GRK1: variants seen among roughly 807,000 people sequenced by gnomAD.
GRK1 encodes G protein-coupled receptor kinase 1.
Under a neutral mutation model 41.7 loss-of-function variants are expected in GRK1, and 28 were observed. The ratio of observed to expected loss-of-function variants is 0.67; its 90% CI spans 0.50 to 0.92. The LOEUF is 0.92. GRK1 is among the 40% of genes least tolerant of loss of function. The probability of loss-of-function intolerance (pLI) is 0.00; values close to 1 mark genes in which losing one functional copy is unlikely to be tolerated. For synonymous variants in GRK1, 327 were observed against 286.7 expected (o/e 1.14, Z -1.42); for missense variants, 703 against 671.2 (o/e 1.05, Z -0.52).
the GRK1 span, among the ~76,000 whole-genome samples, chr13:113,658,556 T>C: frequency 6.6e-6 from 1 of 152,204 alleles, no homozygotes; most frequent in Non-Finnish European, 1.5e-5. Flanking sequence ...GACCTTGGGC[T>C]GAGCCAGCTG....
chr13:113,658,641 G>A, the GRK1 span, among the ~76,000 whole-genome samples: 6 of 152,306 alleles, frequency 3.9e-5, no homozygotes, highest in East Asian at 7.7e-4. Flanking sequence ...CCCCCGCTGC[G>A]GCCGCCCCGA....
At chr13:113,662,093 T>C in the GRK1 span, among the ~76,000 whole-genome samples, 2 of 152,200 alleles carry the variant, frequency 1.3e-5, no homozygotes, top group African/African-American at 4.8e-5. Flanking sequence ...GTAAGTTGAA[T>C]CCAACAAAGT....
chr13:113,728,881 G>A (rs1444172904), intron 4 of GRK1, among the ~76,000 whole-genome samples: 2 of 152,164 alleles, frequency 1.3e-5, no homozygotes, highest in Non-Finnish European at 2.9e-5. Context: ...AACCACAAAA[G>A]GTGGACAAGG....
the GRK1 span, among the ~76,000 whole-genome samples, chr13:113,651,477 T>C: frequency 5.1e-4 from 77 of 152,272 alleles, 2 homozygotes; most frequent in African/African-American, 1.8e-3. Flanking sequence ...AAAAGCCCCA[T>C]TGTTTCCCTT....
chr13:113,729,740 C>T (rs36179103), intron 4 of GRK1, among the ~76,000 whole-genome samples: 7,313 of 152,116 alleles, frequency 0.048, 546 homozygotes, highest in African/African-American at 0.16. Flanking sequence ...CACAGCTGTG[C>T]CCAGACCCGT....
upstream of GRK1, among the ~76,000 whole-genome samples, chr13:113,664,533 G>C (rs2049806393): frequency 6.6e-6 from 1 of 152,218 alleles, no homozygotes; most frequent in African/African-American, 2.4e-5. This position sits in a 1 kb window ranked among gnomAD's most constrained non-coding sequence, Gnocchi z 5.4. Context: ...CCCTGTGATG[G>C]ACACGTTTCA....
chr13:113,732,775 C>A, intron 5 of GRK1, 109 bp from the exon 6 acceptor site: 1 of 1,190,094 alleles, frequency 8.4e-7, no homozygotes, highest in Non-Finnish European at 1.2e-6. Flanking sequence ...CCTCATGGGT[C>A]CCCCACCCGC....
upstream of GRK1, among the ~76,000 whole-genome samples, chr13:113,663,905 G>T (rs144561627): frequency 6.6e-6 from 1 of 152,124 alleles, no homozygotes; most frequent in South Asian, 2.1e-4. Flanking sequence ...AAAACTAAAC[G>T]TGCAATTACG....
intron 1 of GRK1, among the ~76,000 whole-genome samples, chr13:113,668,423 C>T (rs61969018): frequency 1.8e-3 from 275 of 152,318 alleles, no homozygotes; most frequent in Non-Finnish European, 2.6e-3. Flanking sequence ...GCAGGGTCTC[C>T]GGATTCTTTG....
chr13:113,737,361 ATGT>A lies in GRK1; in HGVS notation c.*1999_*2001del, dbSNP rs1362236411. 31 of 127,886 alleles carry A rather than the reference ATGT, an allele frequency of 2.4e-4. 3 individuals are homozygous for A. Among genetic ancestry groups the A allele is most frequent in the Admixed American group, 3.8e-4 (5 of 13,154 alleles). The allele number at this position is 127,886 out of a possible 1,614,324, so 7.9% of individuals were successfully genotyped here. A position where few individuals can be genotyped will look rare whatever the true frequency, so the allele number is the denominator to read the frequency against. ...ATCGGCCACACCCTGGGTGAGGAGCATGTCTTCCCATAGATCCCACGTCGGCCA... is the reference window on the plus strand; with the variant it reads ...ATCGGCCACACCCTGGGTGAGGAGCACTTCCCATAGATCCCACGTCGGCCA... On this transcript the variant is annotated 3_prime_UTR_variant, in exon 7 of 7. Transcript: ENST00000335678.
the GRK1 span, chr13:113,658,208 T>A: frequency 6.9e-7 from 1 of 1,454,224 alleles, no homozygotes; most frequent in South Asian, 1.2e-5. Context: ...TGAGGCCAGA[T>A]GCCCACCTCT....
chr13:113,724,006 C>T (rs2049874372), intron 4 of GRK1, among the ~76,000 whole-genome samples: 1 of 152,188 alleles, frequency 6.6e-6, no homozygotes, highest in African/African-American at 2.4e-5. Context: ...ACACGTGTGT[C>T]CGTGTGCCTG....
chr13:113,724,247 G>A (rs971702914), intron 4 of GRK1, among the ~76,000 whole-genome samples: 2 of 152,222 alleles, frequency 1.3e-5, no homozygotes, highest in African/African-American at 4.8e-5. Context: ...CAGGCTTGCT[G>A]AGGAGACCTC....
At chr13:113,733,793 GTA>G (rs879373829) in intron 6 of GRK1, among the ~76,000 whole-genome samples, 8 of 137,088 alleles carry the variant, frequency 5.8e-5, no homozygotes, top group South Asian at 4.3e-4. Flanking sequence ...GTGCATGTGT[GTA>G]TGTGTATCTG....
the GRK1 span, chr13:113,657,910 C>G: frequency 7.4e-6 from 6 of 806,384 alleles, no homozygotes; most frequent in Non-Finnish European, 1.2e-5. Context: ...TCCACGCCAT[C>G]CAGGCAGCAT....
chr13:113,735,580 C>T lies in GRK1; in HGVS notation c.*217C>T, dbSNP rs1429994296. ...TGCTGGTGCCGTGAGCCCCCGACTG[C>T]ATATTTCACGTCTTTTGCTCCATCT... On this transcript the variant is annotated 3_prime_UTR_variant, in exon 7 of 7. Coordinates refer to ENST00000335678, the MANE Select transcript of GRK1 (RefSeq NM_002929.3). 2.1e-6 allele frequency: 1 copy of T among 487,404 alleles called. No homozygotes were observed. The highest frequency in any genetic ancestry group is 3.7e-5 in the Admixed American group (1 of 27,186). The allele number at this position is 487,404 out of a possible 1,614,324, so 30.2% of individuals were successfully genotyped here. A position where few individuals can be genotyped will look rare whatever the true frequency, so the allele number is the denominator to read the frequency against.
At chr13:113,733,264 G>A (rs571020805) in intron 6 of GRK1, among the ~76,000 whole-genome samples, 179 bp downstream of exon 6, 2 of 152,340 alleles carry the variant, frequency 1.3e-5, no homozygotes, top group South Asian at 2.1e-4. Flanking sequence ...CCCAGGACAA[G>A]CCGATGGAGC....
chr13:113,649,077 C>G, the GRK1 span: 1 of 250,858 alleles, frequency 4.0e-6, no homozygotes, highest in African/African-American at 2.3e-5. The surrounding 1 kb of genome is among the most constrained non-coding windows in gnomAD (Gnocchi z 4.7). Context: ...GAAGACGAAT[C>G]GTTTTTATGA....
At chr13:113,664,989 C>A (rs2049808527), upstream of GRK1, among the ~76,000 whole-genome samples, 1 of 152,220 alleles carries the variant, frequency 6.6e-6, no homozygotes, top group African/African-American at 2.4e-5. This position sits in a 1 kb window ranked among gnomAD's most constrained non-coding sequence, Gnocchi z 5.4. Context: ...TCGTGATCCA[C>A]CTGCCAAAGC....
Sources: allele counts gnomAD v4.1 joint callset (sites outside exome capture counted in the v4.1 genomes callset), GRCh38; gene constraint gnomAD v4.1.1; non-coding constraint Gnocchi (gnomAD v3.1); transcripts MANE v1.5; gene names NCBI Gene and HGNC (gene_info 2026-07-23, HGNC 2026-07-21).